SORCS2: variants seen among roughly 807,000 people sequenced by gnomAD.
SORCS2 encodes the protein sortilin related VPS10 domain containing receptor 2.
In SORCS2, 100 loss-of-function variants were observed where a neutral mutation model predicts 141.6. The observed-to-expected ratio is 0.71, with a 90% CI of 0.60 to 0.83. The LOEUF (loss-of-function observed/expected upper bound fraction) is 0.83, where lower values mean the gene tolerates loss of function less well. SORCS2 is among the 40% of genes least tolerant of loss of function. The pLI, the probability that SORCS2 is intolerant of heterozygous loss-of-function variation, is 0.00. For missense variants in SORCS2, 1,646 were observed against 1,560.2 expected (o/e 1.05, Z -0.93); for synonymous variants, 789 against 676.9 (o/e 1.17, Z -2.57).
At chr4:7,611,962 G>A (rs1194412671) in intron 3 of SORCS2, among the ~76,000 whole-genome samples, 2 of 152,234 alleles carry the variant, frequency 1.3e-5, no homozygotes, top group African/African-American at 2.4e-5. Context: ...AGGAAGGATC[G>A]GCCCCATGCC....
chr4:7,338,388 G>T (rs7673518), intron 1 of SORCS2, among the ~76,000 whole-genome samples: 91 of 148,094 alleles, frequency 6.1e-4, no homozygotes, highest in Non-Finnish European at 1.2e-3. Context: ...ATGTCGGTTG[G>T]ATGGATGGAT....
At chr4:7,660,069 G>A (rs551806050) in intron 5 of SORCS2, among the ~76,000 whole-genome samples, 143 of 152,304 alleles carry the variant, frequency 9.4e-4, no homozygotes, top group Non-Finnish European at 1.7e-3. Context: ...GGCAACTAGA[G>A]CACCTAGGAC....
At position 7,500,049 on chromosome 4, in the gene SORCS2, G is replaced by T. The variant is rs187031071; in HGVS notation, c.549-31481G>T. Among the ~76,000 whole-genome samples the T allele has an allele frequency of 1.1e-4, 17 of 152,290 alleles. No individual in the cohort carries two copies. The East Asian group carries it at 2.9e-3, about 26-fold the overall frequency. On this transcript the variant is annotated intron_variant, in intron 2 of 26. Coordinates refer to ENST00000507866, the MANE Select transcript of SORCS2 (RefSeq NM_020777.3). The stretch of plus-strand genomic sequence containing the variant: ...CCAGCACCGTGGGGACCCAGCTGCG[G>T]CCCCAGATGGACACAAGCTCTGACC...
Position 7,650,037 on chromosome 4 carries a change from G to A in SORCS2, c.814-4097G>A, listed in dbSNP as rs185451496. 3.3e-5 allele frequency among the ~76,000 whole-genome samples: 5 copies of A among 152,318 alleles called. 1 individual carries two copies. The South Asian group carries it at 6.2e-4, about 19-fold the overall frequency. ...GATGAAGAATTTGGGTTGAGTGGTC[G>A]GCTTGAGCCTTCCTTCCTTCCTGGG... On this transcript the variant is annotated intron_variant, in intron 4 of 26. Transcript: ENST00000507866.
At chr4:7,526,013 CCTCA>C (rs925320504) in intron 2 of SORCS2, among the ~76,000 whole-genome samples, 4 of 128,044 alleles carry the variant, frequency 3.1e-5, no homozygotes, top group African/African-American at 1.4e-4. Context: ...CCTGTCCCCT[CCTCA>C]GTCACCTGTC....
chr4:7,593,371 A>G (rs1306869169), intron 3 of SORCS2, among the ~76,000 whole-genome samples: 1 of 152,134 alleles, frequency 6.6e-6, no homozygotes, highest in Admixed American at 6.5e-5. Flanking sequence ...AGAGCAGGTG[A>G]GGCGGGAGGT....
At chr4:7,516,779 G>A (rs1421043371) in intron 2 of SORCS2, among the ~76,000 whole-genome samples, 2 of 152,198 alleles carry the variant, frequency 1.3e-5, no homozygotes, top group Non-Finnish European at 2.9e-5. Context: ...CATGGTCCTA[G>A]CTGCCGTTGA....
chr4:7,601,006 C>T (rs1435589876), intron 3 of SORCS2, among the ~76,000 whole-genome samples: 1 of 152,220 alleles, frequency 6.6e-6, no homozygotes, highest in Non-Finnish European at 1.5e-5. Flanking sequence ...CTGCCTCAGC[C>T]TCCTGAGTAG....
chr4:7,521,732 G>C (rs1421458485), intron 2 of SORCS2, among the ~76,000 whole-genome samples: 2 of 152,194 alleles, frequency 1.3e-5, no homozygotes, highest in African/African-American at 4.8e-5. Flanking sequence ...TTCCCTTTGG[G>C]CAAGTCCCTT....
intron 2 of SORCS2, among the ~76,000 whole-genome samples, chr4:7,465,652 T>C (rs1156388504): frequency 6.6e-6 from 1 of 152,238 alleles, no homozygotes; most frequent in African/African-American, 2.4e-5. Context: ...TTCTAGAACA[T>C]GTAGAAAATA....
intron 3 of SORCS2, among the ~76,000 whole-genome samples, chr4:7,594,900 A>C: frequency 6.6e-6 from 1 of 152,128 alleles, no homozygotes; most frequent in Non-Finnish European, 1.5e-5. Flanking sequence ...TGGTGCCTCA[A>C]CTGCGTTTAC....
intron 1 of SORCS2, among the ~76,000 whole-genome samples, chr4:7,247,507 C>T (rs577463842): frequency 1.1e-4 from 16 of 152,280 alleles, no homozygotes; most frequent in African/African-American, 3.4e-4. Context: ...CAACCATAAA[C>T]GGCATCGTAA....
chr4:7,474,054 C>G (rs1024824697), intron 2 of SORCS2, among the ~76,000 whole-genome samples: 3 of 152,206 alleles, frequency 2.0e-5, no homozygotes, highest in Admixed American at 1.3e-4. Flanking sequence ...CCCATGTCTG[C>G]TCCCTGGTCG....
At chr4:7,515,047 C>T (rs896774692) in intron 2 of SORCS2, among the ~76,000 whole-genome samples, 32 of 152,182 alleles carry the variant, frequency 2.1e-4, no homozygotes, top group African/African-American at 7.7e-4. Flanking sequence ...CTTTACTGCT[C>T]AGCTGCCAGA....
At chr4:7,327,382 T>A (rs951963741) in intron 1 of SORCS2, among the ~76,000 whole-genome samples, 1 of 152,220 alleles carries the variant, frequency 6.6e-6, no homozygotes, top group African/African-American at 2.4e-5. Context: ...CCTCCCTGTG[T>A]GTCTCTGTGT....
At chr4:7,562,107 A>G (rs1714632849) in intron 3 of SORCS2, among the ~76,000 whole-genome samples, 1 of 152,224 alleles carries the variant, frequency 6.6e-6, no homozygotes, top group African/African-American at 2.4e-5. Flanking sequence ...TAAGTGAATG[A>G]TCACCCAGTT....
intron 1 of SORCS2, among the ~76,000 whole-genome samples, chr4:7,194,156 G>T (rs1698514801): frequency 6.6e-6 from 1 of 152,202 alleles, no homozygotes; most frequent in Admixed American, 6.5e-5. Context: ...GGGTACATTT[G>T]TATGGGGAGG....
At chr4:7,673,834 C>T (rs1402659863) in intron 8 of SORCS2, among the ~76,000 whole-genome samples, 1 of 152,154 alleles carries the variant, frequency 6.6e-6, no homozygotes, top group Non-Finnish European at 1.5e-5. Flanking sequence ...TCAAAGCACC[C>T]ATAATCTCAG....
At position 7,192,869 on chromosome 4, in the gene SORCS2, C is replaced by G; in HGVS notation, c.223C>G (p.Arg75Gly). ...TRVPRSPPAG[R>G]AEPGGGEDRQ... The stretch of plus-strand genomic sequence containing the variant: ...GGTGCCGCGGAGCCCTCCCGCGGGG[C>G]GCGCGGAGCCCGGTGGCGGCGAGGA... The change falls in exon 1 of 27, where the codon CGC becomes GGC. Residue 75 changes from arginine to glycine, a missense_variant. Arg to Gly is a moderately radical substitution (Grantham distance 125). Transcript: ENST00000507866. The surrounding 1 kb of genome is among the most constrained non-coding windows in gnomAD (Gnocchi z 4.0). 9.3e-7 allele frequency: 1 copy of G among 1,072,516 alleles called. No individual in the cohort carries two copies. Among genetic ancestry groups the G allele is most frequent in the Non-Finnish European group, 1.1e-6 (1 of 888,248 alleles). The allele number at this position is 1,072,516 out of a possible 1,614,324, so 66.4% of individuals were successfully genotyped here.
Sources: allele counts gnomAD v4.1 joint callset (sites outside exome capture counted in the v4.1 genomes callset), GRCh38; gene constraint gnomAD v4.1.1; non-coding constraint Gnocchi (gnomAD v3.1); transcripts MANE v1.5; gene names NCBI Gene and HGNC (gene_info 2026-07-23, HGNC 2026-07-21).